The following NOL12 variants were observed in gnomAD, a reference collection of about 807,000 sequenced individuals.
The protein encoded by NOL12 is nucleolar protein 12.
In NOL12, 21 loss-of-function variants were observed where a neutral mutation model predicts 25.2. That is an observed-to-expected ratio of 0.83 (90% CI 0.59 to 1.20). The LOEUF (loss-of-function observed/expected upper bound fraction) is 1.20, where lower values mean the gene tolerates loss of function less well. NOL12 is among the 50% of genes most tolerant of loss of function. The pLI is 0.00. For missense variants in NOL12, 286 were observed against 287.6 expected (o/e 0.99, Z 0.04); for synonymous variants, 133 against 113.8 (o/e 1.17, Z -1.08).
chr22:37,686,423 G>GGT lies in NOL12; in HGVS notation c.33_34dup (p.Asp12ValfsTer21). ...CCGCAACAAGAAGAAGAAGCGAGAT[G>GGT]GTGACGACCGGCGGCCGAGGCTCGT... On this transcript the variant is annotated frameshift_variant, in exon 1 of 6. Coordinates refer to ENST00000359114, the MANE Select transcript of NOL12 (RefSeq NM_024313.3). LOFTEE classifies it high-confidence loss of function. 1 of 1,605,978 alleles carries GGT rather than the reference G, an allele frequency of 6.2e-7. No homozygotes were observed. The highest frequency in any genetic ancestry group is 8.5e-7 in the Non-Finnish European group (1 of 1,176,972).
intron 5 of NOL12, 94 bp from the exon 6 acceptor site, chr22:37,691,080 G>A: frequency 1.4e-6 from 2 of 1,425,806 alleles, no homozygotes; most frequent in Middle Eastern, 1.9e-4. Context: ...GGCGGTCCTG[G>A]CATTCGCAAC....
Position 37,692,262 on chromosome 22 carries a change from T to C in NOL12, c.*926T>C, listed in dbSNP as rs934964791. ...ATCCCAGCTACTTGGGAGGCTGAGGTGGAAGAATCACTTGAACCCTGGAGG... is the reference window on the plus strand; with the variant it reads ...ATCCCAGCTACTTGGGAGGCTGAGGCGGAAGAATCACTTGAACCCTGGAGG... On this transcript the variant is annotated 3_prime_UTR_variant, in exon 6 of 6. Transcript: ENST00000359114. 1.4e-5 allele frequency: 5 copies of C among 361,502 alleles called. No individual in the cohort carries two copies. The highest frequency in any genetic ancestry group is 2.5e-5 in the Non-Finnish European group (5 of 203,262). The allele number at this position is 361,502 out of a possible 1,614,324, so 22.4% of individuals were successfully genotyped here.
chr22:37,688,115 G>A lies in NOL12; in HGVS notation c.189+100G>A, dbSNP rs985599544. The A allele has an allele frequency of 4.3e-6, 5 of 1,154,734 alleles. No individual in the cohort carries two copies. In the African/African-American group the frequency reaches 6.1e-5, roughly 14 times the overall value. 71.5% of individuals were successfully genotyped at this position (1,154,734 alleles called of 1,614,324 possible). A position where few individuals can be genotyped will look rare whatever the true frequency, so the allele number is the denominator to read the frequency against. ...CAGCTGCTGGCATGGGGCGATGTGT[G>A]TGTGGGCAGGACTGGGGAATAGTTT... On this transcript the variant is annotated intron_variant, in intron 2 of 5. Transcript: ENST00000359114.
chr22:37,686,474 C>A lies in NOL12; in HGVS notation c.82C>A (p.Arg28=), dbSNP rs1314030447. Residue 28 remains arginine, a splice_region_variant and synonymous_variant, in exon 1 of 6, where the codon CGG becomes AGG. Coordinates refer to ENST00000359114, the MANE Select transcript of NOL12 (RefSeq NM_024313.3). The stretch of plus-strand genomic sequence containing the variant: ...TCTTAGCTTCGACGAGGAGAAGAGG[C>A]GGTGAGTGGCAAAGCCGGACCGGAC... ...LVLSFDEEKR[R]EYLTGFHKRK... The A allele has an allele frequency of 1.9e-6, 3 of 1,597,284 alleles. No individual in the cohort carries two copies. Among genetic ancestry groups the A allele is most frequent in the Middle Eastern group, 1.7e-4 (1 of 6,028 alleles).
chr22:37,686,521 G>A, intron 1 of NOL12, 46 bp downstream of exon 1: 1 of 1,538,062 alleles, frequency 6.5e-7, no homozygotes, highest in South Asian at 1.2e-5. Context: ...TGTTCTTCGC[G>A]GCCAAGGCCA....
intron 4 of NOL12, 89 bp from the exon 5 acceptor site, chr22:37,690,608 C>A: frequency 1.1e-6 from 1 of 884,756 alleles, no homozygotes; most frequent in Non-Finnish European, 1.8e-6. Flanking sequence ...GGCGCGCCAC[C>A]ACTTGCCAGA....
intron 1 of NOL12, chr22:37,687,127 T>C (rs893507239): frequency 3.1e-6 from 3 of 980,414 alleles, no homozygotes; most frequent in Admixed American, 6.2e-5. Context: ...TAGGGTCAGG[T>C]GTCCTGGGGA....
chr22:37,690,603 G>A (rs943081798), intron 4 of NOL12, 94 bp from the exon 5 acceptor site: 18 of 812,808 alleles, frequency 2.2e-5, no homozygotes, highest in Admixed American at 6.3e-5. Flanking sequence ...AGCAGGGCGC[G>A]CCACCACTTG....
chr22:37,687,876 G>T lies in NOL12; in HGVS notation c.84-34G>T. 2.0e-6 allele frequency: 3 copies of T among 1,502,932 alleles called. No homozygotes were observed. The South Asian group carries it at 3.6e-5, about 18-fold the overall frequency. The allele number at this position is 1,502,932 out of a possible 1,614,324, so 93.1% of individuals were successfully genotyped here. On this transcript the variant is annotated intron_variant, in intron 1 of 5. Coordinates refer to ENST00000359114, the MANE Select transcript of NOL12 (RefSeq NM_024313.3). The stretch of plus-strand genomic sequence containing the variant: ...GCGAGCCCTTCTCTCCTTGTATAAT[G>T]ACTCTCCTGTCTCTGCCGGCTTCCT...
At chr22:37,689,366 C>A (rs1427865903) in intron 4 of NOL12, among the ~76,000 whole-genome samples, 1 of 152,168 alleles carries the variant, frequency 6.6e-6, no homozygotes, top group African/African-American at 2.4e-5. Flanking sequence ...AGTGGTTAAT[C>A]CATGTGAGTC....
rs770312258 is a variant in NOL12, at chr22:37,687,933, A to G, written c.107A>G (p.Lys36Arg). 4.4e-6 allele frequency: 7 copies of G among 1,580,940 alleles called. No homozygotes were observed. The highest frequency in any genetic ancestry group is 6.0e-6 in the Non-Finnish European group (7 of 1,163,750). ...KRREYLTGFH[K>R]RKVERKKAAI... ...AGGGAGTACCTGACAGGCTTCCACAAGCGGAAGGTCGAGCGAAAGAAGGCA... is the reference window on the plus strand; with the variant it reads ...AGGGAGTACCTGACAGGCTTCCACAGGCGGAAGGTCGAGCGAAAGAAGGCA... The change falls in exon 2 of 6, where the codon AAG becomes AGG. Residue 36 changes from lysine (K) to arginine (R), a missense_variant. By Grantham distance (26) the Lys-to-Arg change is conservative. Coordinates refer to ENST00000359114, the MANE Select transcript of NOL12 (RefSeq NM_024313.3).
intron 1 of NOL12, chr22:37,687,674 T>G: frequency 5.6e-6 from 2 of 359,420 alleles, no homozygotes; most frequent in South Asian, 2.8e-5. Context: ...GCCAGGCTGG[T>G]CTTGAACTCC....
rs372075388 is a variant in NOL12 at position 37,687,901 on chromosome 22, T to G, written c.84-9T>G. 3.8e-5 allele frequency: 59 copies of G among 1,561,054 alleles called. No homozygotes were observed. The African/African-American group carries it at 7.0e-4, about 19-fold the overall frequency. On this transcript the variant is annotated splice_polypyrimidine_tract_variant and intron_variant, in intron 1 of 5. Transcript: ENST00000359114. ...GACTCTCCTGTCTCTGCCGGCTTCC[T>G]TCCTGTAGGGAGTACCTGACAGGCT... is the stretch of plus-strand genomic sequence containing the variant.
chr22:37,688,344 G>C lies in NOL12; in HGVS notation c.222G>C (p.Glu74Asp), dbSNP rs372968525. The C allele has an allele frequency of 6.2e-7, 1 of 1,614,244 alleles. No homozygotes were observed. The highest frequency in any genetic ancestry group is 2.2e-5 in the East Asian group (1 of 44,886). ...AGGAATACTTGAAGATGCTGGCAGAGAGAGAAGAGGCTCTGGGTAAGTGGC... is the reference window on the plus strand; with the variant it reads ...AGGAATACTTGAAGATGCTGGCAGACAGAGAAGAGGCTCTGGGTAAGTGGC... Reference protein sequence around the residue: ...RHQEYLKMLAEREEALEEADE... With the variant: ...RHQEYLKMLADREEALEEADE... The change falls in exon 3 of 6, where the codon GAG (glutamate) becomes GAC (aspartate). Residue 74 changes from glutamate (E) to aspartate (D), a missense_variant. Physicochemically the swap from Glu to Asp is conservative, Grantham distance 45 (BLOSUM62 2). Coordinates refer to ENST00000359114, the MANE Select transcript of NOL12 (RefSeq NM_024313.3).
In NOL12 at chr22:37,691,493, G is replaced by A; in HGVS notation, c.*157G>A. ...GGCCTGGGGCCAGCTGCCTTTGCCTGGGGTCAGCTGCCTTTGCCTGGGGTT... is the reference window on the plus strand; with the variant it reads ...GGCCTGGGGCCAGCTGCCTTTGCCTAGGGTCAGCTGCCTTTGCCTGGGGTT... On this transcript the variant is annotated 3_prime_UTR_variant, in exon 6 of 6. Coordinates refer to ENST00000359114, the MANE Select transcript of NOL12 (RefSeq NM_024313.3). 1 of 311,408 alleles carries A rather than the reference G, an allele frequency of 3.2e-6. No homozygotes were observed. The allele number at this position is 311,408 out of a possible 1,614,324, so 19.3% of individuals were successfully genotyped here.
chr22:37,686,645 G>A (rs528779807), intron 1 of NOL12, 170 bp downstream of exon 1: 4 of 985,324 alleles, frequency 4.1e-6, no homozygotes, highest in East Asian at 2.3e-4. Context: ...CTTCTCGGCC[G>A]CCACCTTCTC....
rs1922128274 is a variant in NOL12, at chr22:37,692,771, CCT to C, written c.*1441_*1442del. The stretch of plus-strand genomic sequence containing the variant: ...AGTGAGCCAGGGTCTGCAGGGCTGT[CCT>C]CTCTCCACAGCCAACAGCCAGGCCT... On this transcript the variant is annotated 3_prime_UTR_variant, in exon 6 of 6. Transcript: ENST00000359114. The C allele has an allele frequency of 5.0e-6, 2 of 398,698 alleles. No homozygotes were observed. The highest frequency in any genetic ancestry group is 1.3e-4 in the South Asian group (1 of 7,664). 24.7% of individuals were successfully genotyped at this position (398,698 alleles called of 1,614,324 possible).
At chr22:37,688,551 T>C (rs573105018) in intron 3 of NOL12, among the ~76,000 whole-genome samples, 191 bp downstream of exon 3, 2 of 152,026 alleles carry the variant, frequency 1.3e-5, no homozygotes, top group East Asian at 1.9e-4. Flanking sequence ...CCAAACCCCA[T>C]GGTTAACCAA....
rs73409423 is a variant in NOL12, at chr22:37,691,110, G to C, written c.480-64G>C. On this transcript the variant is annotated intron_variant, in intron 5 of 5. Transcript: ENST00000359114. Reference sequence around the variant, plus strand: ...CGCAACCTGTCCTGACATCCCCTCCGTGAGCCAGGTGGTGAGTCACCCCAC... The same window carrying C: ...CGCAACCTGTCCTGACATCCCCTCCCTGAGCCAGGTGGTGAGTCACCCCAC... 2.0e-6 allele frequency: 3 copies of C among 1,526,484 alleles called. No homozygotes were observed. The South Asian group carries it at 3.8e-5, about 19-fold the overall frequency. The allele number at this position is 1,526,484 out of a possible 1,614,324, so 94.6% of individuals were successfully genotyped here. A position where few individuals can be genotyped will look rare whatever the true frequency, so the allele number is the denominator to read the frequency against.
Sources: allele counts gnomAD v4.1 joint callset (sites outside exome capture counted in the v4.1 genomes callset), GRCh38; gene constraint gnomAD v4.1.1; transcripts MANE v1.5; gene names NCBI Gene and HGNC (gene_info 2026-07-23, HGNC 2026-07-21).